AOPEP: variants seen among roughly 807,000 people sequenced by gnomAD.
The protein encoded by AOPEP is aminopeptidase O (putative), also known as aminopeptidase O.
AOPEP carries 77 observed loss-of-function variants against 98.1 expected under a neutral mutation model. That is an observed-to-expected ratio of 0.78 (90% CI 0.65 to 0.95). The LOEUF is 0.95. Ranked by LOEUF, AOPEP falls within the 40% of genes least tolerant of loss-of-function variation. The pLI is 0.00. For missense variants in AOPEP, 1,024 were observed against 1,024.7 expected, an observed-to-expected ratio of 1.00 and a Z score of 0.01; for synonymous variants, 346 against 365.3, an observed-to-expected ratio of 0.95 and a Z score of 0.60.
At chr9:94,977,381 C>A (rs555910619) in intron 10 of AOPEP, among the ~76,000 whole-genome samples, 77 of 152,226 alleles carry the variant, frequency 5.1e-4, no homozygotes, top group African/African-American at 1.6e-3. Context: ...GTCACCTGCC[C>A]TGATTTAGAG....
intron 16 of AOPEP, chr9:95,083,163 A>T (rs1429068778): frequency 5.6e-6 from 1 of 177,590 alleles, no homozygotes; most frequent in Non-Finnish European, 1.2e-5. Context: ...CTGCAAGCAG[A>T]TGTTTTCTTC....
intron 13 of AOPEP, among the ~76,000 whole-genome samples, chr9:95,009,056 T>A (rs1361277970): frequency 1.3e-5 from 2 of 152,198 alleles, no homozygotes; most frequent in African/African-American, 4.8e-5. Flanking sequence ...AAAGTATGAA[T>A]AACTAACGAA....
At chr9:95,049,953 G>A (rs2066196196) in intron 13 of AOPEP, among the ~76,000 whole-genome samples, 1 of 152,208 alleles carries the variant, frequency 6.6e-6, no homozygotes. Flanking sequence ...CAGATCCCCT[G>A]CTCCCCTATC....
intron 14 of AOPEP, among the ~76,000 whole-genome samples, chr9:95,069,460 G>A (rs1415268840): frequency 6.6e-6 from 1 of 152,218 alleles, no homozygotes; most frequent in Non-Finnish European, 1.5e-5. Flanking sequence ...GAGATGGATA[G>A]CCATTCAATG....
chr9:95,001,769 T>C lies in AOPEP; in HGVS notation c.1978-3389T>C, dbSNP rs529712172. On this transcript the variant is annotated intron_variant, in intron 11 of 16. Coordinates refer to ENST00000375315, the MANE Select transcript of AOPEP (RefSeq NM_001193329.3). Reference sequence around the variant, plus strand: ...TCTCATTTCAATTTTTTAAAATTTATCGTTATTTACTTATTAATATTTTTT... The same window carrying C: ...TCTCATTTCAATTTTTTAAAATTTACCGTTATTTACTTATTAATATTTTTT... 4.6e-5 allele frequency among the ~76,000 whole-genome samples: 7 copies of C among 152,312 alleles called. No individual in the cohort carries two copies. In the South Asian group the frequency reaches 1.5e-3, roughly 32 times the overall value.
intron 13 of AOPEP, among the ~76,000 whole-genome samples, chr9:95,059,901 G>A (rs1165568975): frequency 6.6e-6 from 1 of 152,190 alleles, no homozygotes; most frequent in African/African-American, 2.4e-5. Context: ...ATCTCACAGG[G>A]CCACCAGGCC....
chr9:95,145,406 T>C, the AOPEP span: 1 of 152,210 alleles, frequency 6.6e-6, no homozygotes, highest in Non-Finnish European at 1.5e-5. Flanking sequence ...AAAACGTATG[T>C]GTTCTTGAAC....
chr9:94,747,835 A>G (rs1394829300), intron 1 of AOPEP, among the ~76,000 whole-genome samples: 4 of 152,236 alleles, frequency 2.6e-5, no homozygotes, highest in Admixed American at 6.5e-5. Context: ...GTTCCATGCT[A>G]TGTCAGTTTG....
intron 11 of AOPEP, among the ~76,000 whole-genome samples, chr9:95,003,125 GA>G (rs144248147): frequency 0.057 from 8,696 of 151,312 alleles, 721 homozygotes; most frequent in African/African-American, 0.18. Context: ...GGTTCAATGG[GA>G]TTTATAGAAT....
chr9:94,865,691 A>G (rs920645750), intron 5 of AOPEP, among the ~76,000 whole-genome samples: 4 of 152,332 alleles, frequency 2.6e-5, no homozygotes, highest in African/African-American at 9.6e-5. Context: ...TTGTCACTGT[A>G]ATGCAAGAAA....
intron 14 of AOPEP, among the ~76,000 whole-genome samples, chr9:95,075,629 C>T (rs1344767022): frequency 1.8e-4 from 28 of 152,168 alleles, no homozygotes; most frequent in Admixed American, 1.8e-3. Flanking sequence ...CCTATAATCC[C>T]AACACTTTCG....
chr9:94,822,080 C>CCAG (rs1398655445), intron 5 of AOPEP, among the ~76,000 whole-genome samples: 1 of 151,984 alleles, frequency 6.6e-6, no homozygotes, highest in Non-Finnish European at 1.5e-5. Context: ...ACAGTGATCC[C>CCAG]CAGGCTGGTT....
At chr9:94,830,811 G>A (rs1453014981) in intron 5 of AOPEP, among the ~76,000 whole-genome samples, 1 of 152,168 alleles carries the variant, frequency 6.6e-6, no homozygotes, top group Non-Finnish European at 1.5e-5. Context: ...CAGTGATGTT[G>A]AGCTTTTTTT....
At chr9:95,041,446 G>GTGGGTGTGTGTGT (rs200579150) in intron 13 of AOPEP, among the ~76,000 whole-genome samples, 1 of 142,012 alleles carries the variant, frequency 7.0e-6, no homozygotes. Flanking sequence ...AGTCCTTGGG[G>GTGGGTGTGTGTGT]GTGTGTGTGT....
intron 3 of AOPEP, among the ~76,000 whole-genome samples, chr9:94,789,329 T>A (rs1845133568): frequency 6.6e-6 from 1 of 152,254 alleles, no homozygotes; most frequent in South Asian, 2.1e-4. Context: ...GCTGCTTATT[T>A]ACTGAGCTGC....
chr9:95,053,827 C>A (rs1047617585), intron 13 of AOPEP, among the ~76,000 whole-genome samples: 4 of 152,122 alleles, frequency 2.6e-5, no homozygotes, highest in Non-Finnish European at 4.4e-5. Context: ...TCAGATGATC[C>A]TCCCACTTCA....
At chr9:95,093,416 T>C in the AOPEP span, among the ~76,000 whole-genome samples, 4 of 152,194 alleles carry the variant, frequency 2.6e-5, no homozygotes, top group Non-Finnish European at 5.9e-5. Context: ...GGTGCAAGGA[T>C]CAGAGATGGC....
At chr9:95,067,325 A>G (rs2068011977) in intron 14 of AOPEP, among the ~76,000 whole-genome samples, 1 of 152,210 alleles carries the variant, frequency 6.6e-6, no homozygotes. Context: ...ATGGCAGGGT[A>G]TGATATTTAG....
rs183010504 is a variant in AOPEP, at chr9:94,879,222, G to A, written c.1365-44764G>A. On this transcript the variant is annotated intron_variant, in intron 5 of 16. Transcript: ENST00000375315. Reference sequence around the variant, plus strand: ...CTAATTTATTAGTCCTAAAAAGGCCGTCTAGTACCCAGGCAAGAAGGAGGT... The same window carrying A: ...CTAATTTATTAGTCCTAAAAAGGCCATCTAGTACCCAGGCAAGAAGGAGGT... 3.4e-4 allele frequency among the ~76,000 whole-genome samples: 52 copies of A among 152,320 alleles called. 3 individuals carry two copies. Among genetic ancestry groups the A allele is most frequent in the East Asian group, 2.1e-3 (11 of 5,190 alleles).
Sources: allele counts gnomAD v4.1 joint callset (sites outside exome capture counted in the v4.1 genomes callset), GRCh38; gene constraint gnomAD v4.1.1; transcripts MANE v1.5; gene names NCBI Gene and HGNC (gene_info 2026-07-23, HGNC 2026-07-21).